The following MGMT variants were observed in gnomAD, a reference collection of about 807,000 sequenced individuals.
MGMT encodes methylated-DNA--protein-cysteine methyltransferase.
MGMT carries 14 observed loss-of-function variants against 15.9 expected under a neutral mutation model. That is an observed-to-expected ratio of 0.88 (90% confidence interval 0.58 to 1.37). MGMT has a LOEUF of 1.37. Among genes scored for constraint, MGMT ranks in the 40% most tolerant of loss-of-function variants. The pLI is 0.00. For missense variants in MGMT, 282 were observed against 268.1 expected, an observed-to-expected ratio of 1.05 and a Z score of -0.36; for synonymous variants, 130 against 118.2, an observed-to-expected ratio of 1.10 and a Z score of -0.65.
Position 129,737,863 on chromosome 10 carries a change from C to CT in MGMT, c.275-21337dup, listed in dbSNP as rs66855056. 2.6e-3 allele frequency among the ~76,000 whole-genome samples: 397 copies of CT among 152,294 alleles called. 6 individuals carry two copies. Among genetic ancestry groups the CT allele is most frequent in the Non-Finnish European group, 4.1e-4 (28 of 68,038 alleles). On this transcript the variant is annotated intron_variant, in intron 3 of 4. Transcript: ENST00000651593. ...TGGGGGGTGCCTCCCAGTTAGGCTGCTTGAGGGTCAGGGGTCAGGGACCCA... is the reference window on the plus strand; with the variant it reads ...TGGGGGGTGCCTCCCAGTTAGGCTGCTTTGAGGGTCAGGGGTCAGGGACCCA...
intron 2 of MGMT, among the ~76,000 whole-genome samples, chr10:129,630,615 G>C (rs1847199171): frequency 6.6e-6 from 1 of 152,206 alleles, no homozygotes; most frequent in Non-Finnish European, 1.5e-5. Flanking sequence ...GAGACTGAAG[G>C]CCTGTGGATG....
rs116588974 is a variant in MGMT, at chr10:129,574,254, T to C, written c.125+37877T>C. Among the ~76,000 whole-genome samples, 361 of 152,328 alleles carry C rather than the reference T, an allele frequency of 2.4e-3. 2 individuals carry two copies. Among genetic ancestry groups the C allele is most frequent in the African/African-American group, 8.3e-3 (343 of 41,564 alleles). On this transcript the variant is annotated intron_variant, in intron 2 of 4. Transcript: ENST00000651593. ...AAGACCTTTTACGAGTGAGCAAATATATGCTTTTCTGTTTTCACAGTAACT... is the reference window on the plus strand; with the variant it reads ...AAGACCTTTTACGAGTGAGCAAATACATGCTTTTCTGTTTTCACAGTAACT...
At chr10:129,669,707 C>T (rs1380685790) in intron 2 of MGMT, among the ~76,000 whole-genome samples, 1 of 152,094 alleles carries the variant, frequency 6.6e-6, no homozygotes, top group Non-Finnish European at 1.5e-5. Flanking sequence ...ACTACCAGAA[C>T]AGTAATTTGT....
intron 3 of MGMT, among the ~76,000 whole-genome samples, chr10:129,747,818 G>A (rs899273104): frequency 6.6e-6 from 1 of 152,106 alleles, no homozygotes; most frequent in Admixed American, 6.5e-5. Context: ...GTTTTAGATG[G>A]CCTAGACAGT....
chr10:129,512,098 T>TG (rs1390528298), intron 1 of MGMT, among the ~76,000 whole-genome samples: 1 of 151,976 alleles, frequency 6.6e-6, no homozygotes, highest in African/African-American at 2.4e-5. Context: ...ATGCTGGAGA[T>TG]GGGGGGCGCA....
intron 3 of MGMT, among the ~76,000 whole-genome samples, chr10:129,719,160 CGCTCAGGCGTGTCACCTTCT>C (rs1386447672): frequency 6.9e-6 from 1 of 145,574 alleles, no homozygotes; most frequent in Non-Finnish European, 1.5e-5. Flanking sequence ...TCTGTGTGCC[CGCTCAGGCGTGTCACCTTCT>C]GCTCAGGCAT....
chr10:129,668,485 A>C (rs1847684912), intron 2 of MGMT, among the ~76,000 whole-genome samples: 1 of 152,106 alleles, frequency 6.6e-6, no homozygotes, highest in Non-Finnish European at 1.5e-5. Flanking sequence ...ACATCTCTAA[A>C]TGGATATTTA....
intron 2 of MGMT, among the ~76,000 whole-genome samples, chr10:129,698,500 A>T (rs1848058656): frequency 6.6e-6 from 1 of 152,220 alleles, no homozygotes; most frequent in Admixed American, 6.5e-5. Flanking sequence ...ATCTTTACAG[A>T]TATACAAGCA....
chr10:129,639,755 C>T (rs1013454436), intron 2 of MGMT, among the ~76,000 whole-genome samples: 7 of 151,982 alleles, frequency 4.6e-5, no homozygotes, highest in Non-Finnish European at 8.8e-5. Flanking sequence ...ATGATCTAAG[C>T]TGCTGCTTTA....
chr10:129,575,498 C>T (rs1589874772), intron 2 of MGMT, among the ~76,000 whole-genome samples: 1 of 150,302 alleles, frequency 6.7e-6, no homozygotes, highest in South Asian at 2.2e-4. Context: ...AGAACAAAGA[C>T]ACAACATACC....
intron 1 of MGMT, 142 bp from the exon 2 acceptor site, chr10:129,536,099 A>T: frequency 2.2e-6 from 2 of 917,684 alleles, no homozygotes; most frequent in Non-Finnish European, 3.2e-6. Context: ...TATTGTGAAA[A>T]TGATGCATCG....
At chr10:129,748,369 C>T (rs190783650) in intron 3 of MGMT, among the ~76,000 whole-genome samples, 2 of 152,226 alleles carry the variant, frequency 1.3e-5, no homozygotes, top group East Asian at 1.9e-4. Context: ...GTCCCTTTGT[C>T]GTACTCTCCT....
chr10:129,715,902 T>G (rs1564771767), intron 3 of MGMT, among the ~76,000 whole-genome samples: 1 of 152,186 alleles, frequency 6.6e-6, no homozygotes, highest in Non-Finnish European at 1.5e-5. Flanking sequence ...TCTCTGTCCC[T>G]CTTTATATGT....
At chr10:129,748,650 C>T (rs1400036699) in intron 3 of MGMT, among the ~76,000 whole-genome samples, 1 of 152,154 alleles carries the variant, frequency 6.6e-6, no homozygotes, top group Non-Finnish European at 1.5e-5. Flanking sequence ...ACAGAAGTAG[C>T]TTTCTGTATA....
At chr10:129,477,554 G>C (rs1845309204) in intron 1 of MGMT, among the ~76,000 whole-genome samples, 1 of 151,948 alleles carries the variant, frequency 6.6e-6, no homozygotes. Context: ...CCTTGGCAGA[G>C]AAAGAGAGGA....
intron 3 of MGMT, among the ~76,000 whole-genome samples, chr10:129,714,794 C>CA (rs1228225617): frequency 3.9e-5 from 6 of 152,150 alleles, no homozygotes; most frequent in African/African-American, 1.4e-4. Flanking sequence ...GAGGAAATGC[C>CA]AGCCCCTCTC....
intron 3 of MGMT, among the ~76,000 whole-genome samples, chr10:129,735,366 C>A (rs990983236): frequency 6.6e-6 from 1 of 152,128 alleles, no homozygotes; most frequent in African/African-American, 2.4e-5. Context: ...TTGTAGTATT[C>A]TCTGATGGTA....
chr10:129,649,651 T>C (rs1276102731), intron 2 of MGMT, among the ~76,000 whole-genome samples: 1 of 152,208 alleles, frequency 6.6e-6, no homozygotes, highest in Non-Finnish European at 1.5e-5. Context: ...TAAGACGGAC[T>C]CTTCAGAGAC....
intron 2 of MGMT, among the ~76,000 whole-genome samples, chr10:129,609,675 G>A (rs1429686619): frequency 6.6e-6 from 1 of 152,216 alleles, no homozygotes; most frequent in African/African-American, 2.4e-5. Context: ...GGAGCAGGAT[G>A]AGTAAGACCT....
Sources: gnomAD v4.1 joint callset for allele counts (sites outside exome capture counted in the v4.1 genomes callset) on GRCh38, gnomAD v4.1.1 for gene constraint, MANE v1.5 for transcripts, NCBI Gene and HGNC (gene_info 2026-07-23, HGNC 2026-07-21) for gene names.